PHC2: variants seen among roughly 807,000 people sequenced by gnomAD.
PHC2 encodes polyhomeotic homolog 2.
Under a neutral mutation model 87.4 loss-of-function variants are expected in PHC2, and 29 were observed. The observed-to-expected ratio is 0.33, with a 90% CI of 0.25 to 0.45. The LOEUF is 0.45. PHC2 is among the 20% of genes least tolerant of loss of function. The pLI, the probability that PHC2 is intolerant of heterozygous loss-of-function variation, is 1.00. For missense variants in PHC2, 857 were observed against 1,136.7 expected (o/e 0.75, Z 3.54); for synonymous variants, 438 against 461.7 (o/e 0.95, Z 0.66).
intron 1 of PHC2, among the ~76,000 whole-genome samples, chr1:33,397,854 C>A (rs1018271695): frequency 6.6e-6 from 1 of 152,114 alleles, no homozygotes; most frequent in Non-Finnish European, 1.5e-5. Context: ...CCTTTGAACT[C>A]AAAATGCTTC....
intron 1 of PHC2, among the ~76,000 whole-genome samples, chr1:33,409,445 A>G (rs945426460): frequency 6.6e-6 from 1 of 152,228 alleles, no homozygotes; most frequent in African/African-American, 2.4e-5. Flanking sequence ...AAAAACTAGA[A>G]GGATATAAAA....
At position 33,374,081 on chromosome 1, in the gene PHC2, C is replaced by T. The variant is rs112260559; in HGVS notation, c.174+1285G>A. Among the ~76,000 whole-genome samples the T allele has an allele frequency of 8.0e-4, 122 of 152,280 alleles. 5 individuals are homozygous for T. The highest frequency in any genetic ancestry group is 2.3e-3 in the African/African-American group (95 of 41,554). On this transcript the variant is annotated intron_variant, in intron 2 of 14. Coordinates refer to ENST00000683057, the MANE Select transcript of PHC2 (RefSeq NM_001385109.1). ...TATTTTAACTCTATTCTTTTTCTCTCCTGCTCTCTCAGAATTATCTGTCTG... is the reference window on the plus strand; with the variant it reads ...TATTTTAACTCTATTCTTTTTCTCTTCTGCTCTCTCAGAATTATCTGTCTG...
chr1:33,373,933 G>C (rs1045262592), intron 2 of PHC2, among the ~76,000 whole-genome samples: 1 of 152,168 alleles, frequency 6.6e-6, no homozygotes, highest in African/African-American at 2.4e-5. Flanking sequence ...AAAACAGCCT[G>C]TTGTTATAGC....
intron 1 of PHC2, among the ~76,000 whole-genome samples, chr1:33,390,964 G>A (rs998646075): frequency 5.9e-5 from 9 of 152,154 alleles, no homozygotes; most frequent in Non-Finnish European, 1.0e-4. Context: ...AGACAGGTTC[G>A]ATTGGGACTT....
chr1:33,332,565 C>T lies in PHC2; in HGVS notation c.1762-161G>A. On this transcript the variant is annotated intron_variant, in intron 10 of 14. Coordinates refer to ENST00000683057, the MANE Select transcript of PHC2 (RefSeq NM_001385109.1). This position sits in a 1 kb window ranked among gnomAD's most constrained non-coding sequence, Gnocchi z 4.2. Reference sequence around the variant, plus strand: ...ATCCAAGTGTGCTGGGCTCAAGGCCCTATTTTGCTGGTTGGCTCACGAGGT... The same window carrying T: ...ATCCAAGTGTGCTGGGCTCAAGGCCTTATTTTGCTGGTTGGCTCACGAGGT... The T allele has an allele frequency of 1.2e-6, 1 of 860,804 alleles. No individual in the cohort carries two copies. Among genetic ancestry groups the T allele is most frequent in the Non-Finnish European group, 1.8e-6 (1 of 550,672 alleles). 53.3% of individuals were successfully genotyped at this position (860,804 alleles called of 1,614,324 possible).
chr1:33,415,500 A>C (rs1650168472), intron 1 of PHC2, among the ~76,000 whole-genome samples: 1 of 152,224 alleles, frequency 6.6e-6, no homozygotes, highest in Admixed American at 6.5e-5. Flanking sequence ...TGAAAGGATC[A>C]AAGTAATCCT....
chr1:33,417,186 TCAAA>T lies in PHC2; in HGVS notation c.-55+13786_-55+13789del, dbSNP rs375248149. ...CAATATGGGGTCAAGATTAAGAAACTCAAACAATCCAAAATGAGGCCAAAAAAAA... is the reference window on the plus strand; with the variant it reads ...CAATATGGGGTCAAGATTAAGAAACTCAATCCAAAATGAGGCCAAAAAAAA... On this transcript the variant is annotated intron_variant, in intron 1 of 14. Transcript: ENST00000683057. 3.2e-3 allele frequency among the ~76,000 whole-genome samples: 482 copies of T among 150,410 alleles called. 3 individuals are homozygous for T. The highest frequency in any genetic ancestry group is 0.011 in the African/African-American group (468 of 40,934).
chr1:33,415,628 A>G (rs1650173276), intron 1 of PHC2, among the ~76,000 whole-genome samples: 2 of 152,348 alleles, frequency 1.3e-5, no homozygotes, highest in South Asian at 4.1e-4. Flanking sequence ...ATTACCAGGC[A>G]TGCAAAGAAA....
chr1:33,402,989 A>T (rs955118983), intron 1 of PHC2, among the ~76,000 whole-genome samples: 1 of 150,878 alleles, frequency 6.6e-6, no homozygotes, highest in Admixed American at 6.6e-5. Flanking sequence ...AATTTTTTTT[A>T]TTTTTTTATT....
At position 33,370,889 on chromosome 1, in the gene PHC2, C is replaced by T. The variant is rs1445231214; in HGVS notation, c.411+128G>A. On this transcript the variant is annotated intron_variant, in intron 4 of 14. Coordinates refer to ENST00000683057, the MANE Select transcript of PHC2 (RefSeq NM_001385109.1). Reference sequence around the variant, plus strand: ...AGAGACATGCCCTTTTCTTTTTCTTCCCGGTAAGGGCAATAGATTCCAGCC... The same window carrying T: ...AGAGACATGCCCTTTTCTTTTTCTTTCCGGTAAGGGCAATAGATTCCAGCC... 6.2e-6 allele frequency: 5 copies of T among 806,886 alleles called. No individual in the cohort carries two copies. In the East Asian group the frequency reaches 9.8e-5, roughly 16 times the overall value. 50.0% of individuals were successfully genotyped at this position (806,886 alleles called of 1,614,324 possible).
intron 1 of PHC2, among the ~76,000 whole-genome samples, chr1:33,411,717 C>T (rs549491153): frequency 6.6e-5 from 10 of 152,178 alleles, no homozygotes; most frequent in African/African-American, 9.6e-5. Context: ...CGCGCCACCA[C>T]GCCCAGCTAA....
intron 1 of PHC2, among the ~76,000 whole-genome samples, chr1:33,419,871 A>T (rs1053268263): frequency 5.3e-5 from 8 of 151,658 alleles, no homozygotes; most frequent in Admixed American, 1.3e-4. Context: ...GGCCTCCCAA[A>T]GTGCTGGGAT....
chr1:33,344,740 A>G (rs115581416), intron 9 of PHC2, among the ~76,000 whole-genome samples: 1,824 of 152,194 alleles, frequency 0.012, 37 homozygotes, highest in African/African-American at 0.042. Flanking sequence ...AGCAACTGAG[A>G]CCACAGGCGT....
chr1:33,366,772 C>T (rs1467028468), intron 7 of PHC2, among the ~76,000 whole-genome samples: 1 of 152,226 alleles, frequency 6.6e-6, no homozygotes, highest in Non-Finnish European at 1.5e-5. Context: ...GGCCTTTTTG[C>T]TGAGTCTTGG....
chr1:33,416,443 G>A (rs550165334), intron 1 of PHC2, among the ~76,000 whole-genome samples: 176 of 151,748 alleles, frequency 1.2e-3, no homozygotes, highest in African/African-American at 3.4e-3. Flanking sequence ...AGGCATGGTG[G>A]CAGGCACCTG....
intron 7 of PHC2, among the ~76,000 whole-genome samples, chr1:33,358,317 C>G (rs1205078048): frequency 1.3e-5 from 2 of 152,110 alleles, no homozygotes; most frequent in Non-Finnish European, 2.9e-5. Flanking sequence ...CTGTGCTGCT[C>G]ATGGAAAACT....
At chr1:33,330,311 C>T in intron 12 of PHC2, 99 bp from the exon 13 acceptor site, 2 of 1,324,996 alleles carry the variant, frequency 1.5e-6, no homozygotes. Context: ...ATTTTGAGTC[C>T]ATCTATTGGT....
At chr1:33,335,247 G>C (rs574698076) in intron 9 of PHC2, 9 of 985,294 alleles carry the variant, frequency 9.1e-6, no homozygotes, top group Non-Finnish European at 1.1e-5. Flanking sequence ...TGTCTTAGAC[G>C]TGCAAGACTT....
At chr1:33,401,822 T>C (rs1405957444) in intron 1 of PHC2, among the ~76,000 whole-genome samples, 1 of 152,030 alleles carries the variant, frequency 6.6e-6, no homozygotes, top group Non-Finnish European at 1.5e-5. Context: ...AAAAATGAAA[T>C]TGATCTCCCA....
Sources: gnomAD v4.1 joint callset for allele counts (sites outside exome capture counted in the v4.1 genomes callset) on GRCh38, gnomAD v4.1.1 for gene constraint, Gnocchi (gnomAD v3.1) non-coding constraint, MANE v1.5 for transcripts, NCBI Gene and HGNC (gene_info 2026-07-23, HGNC 2026-07-21) for gene names.